Variants in SOAT2 observed in about 807,000 individuals in gnomAD.
SOAT2 encodes the protein sterol O-acyltransferase 2.
A neutral mutation model predicts 76.0 loss-of-function variants in SOAT2; 87 were observed. The observed-to-expected ratio is 1.14, with a 90% CI of 0.96 to 1.37. SOAT2 has a LOEUF of 1.37. Among genes scored for constraint, SOAT2 ranks in the 40% most tolerant of loss-of-function variants. The probability of loss-of-function intolerance (pLI) is 0.00; values close to 1 mark genes in which losing one functional copy is unlikely to be tolerated. For missense variants in SOAT2, 686 were observed against 682.1 expected, an observed-to-expected ratio of 1.01 and a Z score of -0.06; for synonymous variants, 285 against 275.4, an observed-to-expected ratio of 1.03 and a Z score of -0.34.
intron 10 of SOAT2, among the ~76,000 whole-genome samples, chr12:53,120,286 G>A (rs1228204145): frequency 4.6e-5 from 7 of 152,210 alleles, no homozygotes; most frequent in South Asian, 2.1e-4. Context: ...TGGCTAACAC[G>A]GTGAAACCCC....
At chr12:53,116,959 A>ATTTT (rs71095980) in intron 7 of SOAT2, among the ~76,000 whole-genome samples, 3 of 138,978 alleles carry the variant, frequency 2.2e-5, no homozygotes, top group African/African-American at 8.1e-5. Context: ...CCAATTTCAA[A>ATTTT]TTTTTTTTTT....
chr12:53,121,982 A>G (rs1297606060), intron 12 of SOAT2, among the ~76,000 whole-genome samples: 1 of 150,824 alleles, frequency 6.6e-6, no homozygotes, highest in African/African-American at 2.4e-5. Context: ...TAATTTTTGT[A>G]TTTTTAGTAG....
intron 2 of SOAT2, 150 bp downstream of exon 2, chr12:53,104,356 A>G (rs1937894729): frequency 1.7e-6 from 1 of 573,908 alleles, no homozygotes; most frequent in Non-Finnish European, 3.1e-6. Flanking sequence ...CATTGGCACA[A>G]TCTCGGCTCA....
chr12:53,108,469 C>T (rs1937968639), intron 5 of SOAT2, among the ~76,000 whole-genome samples: 15 of 152,120 alleles, frequency 9.9e-5, no homozygotes, highest in Non-Finnish European at 1.5e-5. Flanking sequence ...AAATAGTTTC[C>T]AAATTCTGGA....
rs1438978069 is a variant in SOAT2 at position 53,118,367 on chromosome 12, C to T, written c.796C>T (p.Pro266Ser). Residue 266 changes from proline to serine, a missense_variant, in exon 8 of 15, where the codon CCC becomes TCC. Coordinates refer to ENST00000301466, the MANE Select transcript of SOAT2 (RefSeq NM_003578.4). ...CTCCCCAGGTGAGGGGATCCAGGCC[C>T]CCAGTTTCTCCAGCTACCTCTACTT... Reference protein sequence around the residue: ...RARRGEGIQAPSFSSYLYFLF... With the variant: ...RARRGEGIQASSFSSYLYFLF... 1.9e-6 allele frequency: 3 copies of T among 1,613,502 alleles called. No individual in the cohort carries two copies. Among genetic ancestry groups the T allele is most frequent in the Admixed American group, 1.7e-5 (1 of 59,960 alleles).
In SOAT2 at chr12:53,124,380, C is replaced by T; in HGVS notation, c.*257C>T. 1.8e-6 allele frequency: 1 copy of T among 564,152 alleles called. No homozygotes were observed. Among genetic ancestry groups the T allele is most frequent in the Non-Finnish European group, 3.2e-6 (1 of 315,222 alleles). The allele number at this position is 564,152 out of a possible 1,614,324, so 34.9% of individuals were successfully genotyped here. The stretch of plus-strand genomic sequence containing the variant: ...GGCTGGGTACAGGATATCCTCCTAC[C>T]CCATGACTGTCTTAGGGAGACTTGG... On this transcript the variant is annotated 3_prime_UTR_variant, in exon 15 of 15. Transcript: ENST00000301466.
chr12:53,115,701 G>A, intron 6 of SOAT2, 47 bp downstream of exon 6: 1 of 1,463,278 alleles, frequency 6.8e-7, no homozygotes, highest in Non-Finnish European at 9.0e-7. Context: ...CAGCTGGTGG[G>A]GCCATCTCAG....
chr12:53,119,741 G>T (rs1036654723), intron 10 of SOAT2, among the ~76,000 whole-genome samples: 1 of 150,194 alleles, frequency 6.7e-6, no homozygotes, highest in Non-Finnish European at 1.5e-5. Flanking sequence ...ATGGAATCTA[G>T]TTGCTTCTTG....
At chr12:53,112,289 G>A (rs1220733433) in intron 5 of SOAT2, among the ~76,000 whole-genome samples, 1 of 152,150 alleles carries the variant, frequency 6.6e-6, no homozygotes, top group Non-Finnish European at 1.5e-5. Context: ...GCTCACGCCT[G>A]TAATCCCAGC....
In SOAT2 at chr12:53,104,167, C is replaced by A. The variant is rs929372042; in HGVS notation, c.99C>A (p.His33Gln). Residue 33 changes from histidine to glutamine, a missense_variant, in exon 2 of 15, where the codon CAC becomes CAA. Transcript: ENST00000301466. ...TCCTCACAGGAAACACTGAGACGCA[C>A]AGAGCCCCGGACTTGGTACAATGGA... ...QPCGDGNTET[H>Q]RAPDLVQWTR... is the part of the protein sequence containing the mutation. 6 of 1,613,462 alleles carry A rather than the reference C, an allele frequency of 3.7e-6. No individual in the cohort carries two copies. Among genetic ancestry groups the A allele is most frequent in the Non-Finnish European group, 5.1e-6 (6 of 1,179,576 alleles).
In SOAT2 at chr12:53,114,656, G is replaced by A. The variant is rs922892612; in HGVS notation, c.444-734G>A. 6.6e-5 allele frequency among the ~76,000 whole-genome samples: 10 copies of A among 152,306 alleles called. 1 individual carries two copies. Among genetic ancestry groups the A allele is most frequent in the African/African-American group, 2.4e-4 (10 of 41,572 alleles). ...TAATTGTTTGAACCCGGGAGGCGGA[G>A]GTTGCAGTGAGCAGAAATTGTGCCA... On this transcript the variant is annotated intron_variant, in intron 5 of 14. Transcript: ENST00000301466.
intron 11 of SOAT2, 88 bp from the exon 12 acceptor site, chr12:53,121,215 G>A: frequency 2.2e-6 from 2 of 924,108 alleles, no homozygotes; most frequent in South Asian, 2.8e-5. Flanking sequence ...CACTGGGATA[G>A]GGTGCAGGCA....
In SOAT2 at chr12:53,124,461, G is replaced by C. The variant is rs1404457172; in HGVS notation, c.*338G>C. Reference sequence around the variant, plus strand: ...AACTCAGAGGAACTGGGGCCACCAAGGTTGGAAAAGGGTTTGGTTCTTGAC... The same window carrying C: ...AACTCAGAGGAACTGGGGCCACCAACGTTGGAAAAGGGTTTGGTTCTTGAC... On this transcript the variant is annotated 3_prime_UTR_variant, in exon 15 of 15. Transcript: ENST00000301466. 1 of 330,746 alleles carries C rather than the reference G, an allele frequency of 3.0e-6. No homozygotes were observed. The highest frequency in any genetic ancestry group is 9.0e-5 in the South Asian group (1 of 11,082). 20.5% of individuals were successfully genotyped at this position (330,746 alleles called of 1,614,324 possible).
chr12:53,108,877 T>C (rs1353746323), intron 5 of SOAT2, among the ~76,000 whole-genome samples: 2 of 152,156 alleles, frequency 1.3e-5, no homozygotes, highest in Non-Finnish European at 2.9e-5. Flanking sequence ...GACAAACAGT[T>C]TTAGGGTAGC....
At chr12:53,103,780 A>G (rs1937879202) in intron 1 of SOAT2, 121 bp downstream of exon 1, 1 of 876,150 alleles carries the variant, frequency 1.1e-6, no homozygotes, top group Admixed American at 2.9e-5. Flanking sequence ...CAGAGAGGCC[A>G]AGGAAGGTAG....
chr12:53,105,246 G>A lies in SOAT2; in HGVS notation c.275+3G>A. 6.2e-7 allele frequency: 1 copy of A among 1,602,340 alleles called. No individual in the cohort carries two copies. Among genetic ancestry groups the A allele is most frequent in the Non-Finnish European group, 8.5e-7 (1 of 1,174,812 alleles). On this transcript the variant is annotated splice_donor_region_variant and intron_variant, in intron 3 of 14. Transcript: ENST00000301466. The stretch of plus-strand genomic sequence containing the variant: ...CCTCCCCCAGGTTCCTTGAGCAGGT[G>A]AGTCTGGGGAATGGCTGCGCGGGCT...
At chr12:53,112,545 CAA>C (rs71095977) in intron 5 of SOAT2, among the ~76,000 whole-genome samples, 10 of 58,174 alleles carry the variant, frequency 1.7e-4, no homozygotes, top group Admixed American at 6.1e-4. Flanking sequence ...AACTCTGTCT[CAA>C]AAAAAAAAAA....
chr12:53,118,348 A>G lies in SOAT2; in HGVS notation c.779-2A>G, dbSNP rs1413845532. Reference sequence around the variant, plus strand: ...TAATCCACCCCTCTCATTCCTCCCCAGGTGAGGGGATCCAGGCCCCCAGTT... The same window carrying G: ...TAATCCACCCCTCTCATTCCTCCCCGGGTGAGGGGATCCAGGCCCCCAGTT... On this transcript the variant is annotated splice_acceptor_variant, in intron 7 of 14. Coordinates refer to ENST00000301466, the MANE Select transcript of SOAT2 (RefSeq NM_003578.4). LOFTEE classifies it high-confidence loss of function. The G allele has an allele frequency of 6.2e-7, 1 of 1,602,906 alleles. No homozygotes were observed.
At chr12:53,117,346 C>T (rs1431862273) in intron 7 of SOAT2, among the ~76,000 whole-genome samples, 4 of 147,172 alleles carry the variant, frequency 2.7e-5, no homozygotes, top group African/African-American at 1.0e-4. Flanking sequence ...CTTAAGCAAT[C>T]CTCCTGCCTT....
Sources: allele counts gnomAD v4.1 joint callset (sites outside exome capture counted in the v4.1 genomes callset), GRCh38; gene constraint gnomAD v4.1.1; transcripts MANE v1.5; gene names NCBI Gene and HGNC (gene_info 2026-07-23, HGNC 2026-07-21).